The following DAB1 variants were observed in gnomAD, a reference collection of about 807,000 sequenced individuals.
DAB1 encodes the protein disabled homolog 1.
Under a neutral mutation model 64.6 loss-of-function variants are expected in DAB1, and 15 were observed. The observed-to-expected ratio is 0.23, with a 90% CI of 0.16 to 0.36. The LOEUF (loss-of-function observed/expected upper bound fraction) is 0.36. Among genes scored for constraint, DAB1 ranks in the 10% least tolerant of loss-of-function variants. The pLI, the probability that DAB1 is intolerant of heterozygous loss-of-function variation, is 1.00. For synonymous variants in DAB1, 235 were observed against 251.9 expected (o/e 0.93, Z 0.64); for missense variants, 596 against 706.7 (o/e 0.84, Z 1.78).
intron 3 of DAB1, among the ~76,000 whole-genome samples, chr1:58,442,739 G>T (rs1246751600): frequency 3.3e-5 from 5 of 152,102 alleles, no homozygotes; most frequent in Admixed American, 6.5e-5. Context: ...GGGAATATGG[G>T]CCTGGCATTG....
chr1:57,558,356 C>A (rs957013125), intron 7 of DAB1, among the ~76,000 whole-genome samples: 2 of 152,150 alleles, frequency 1.3e-5, no homozygotes, highest in Non-Finnish European at 2.9e-5. Context: ...TCAGGAGCCA[C>A]CCACAACATC....
chr1:57,444,741 A>G (rs898115290), intron 7 of DAB1, among the ~76,000 whole-genome samples: 13 of 152,202 alleles, frequency 8.5e-5, no homozygotes, highest in African/African-American at 3.1e-4. Context: ...AGCCACCAGA[A>G]GCCAGAAGAG....
chr1:58,466,575 A>G (rs1338090747), intron 3 of DAB1, among the ~76,000 whole-genome samples: 1 of 152,106 alleles, frequency 6.6e-6, no homozygotes, highest in African/African-American at 2.4e-5. Flanking sequence ...AGCAGCTGTC[A>G]CGGGAAGCCC....
chr1:57,673,385 C>T (rs1646529836), intron 6 of DAB1, among the ~76,000 whole-genome samples: 1 of 152,024 alleles, frequency 6.6e-6, no homozygotes, highest in South Asian at 2.1e-4. Context: ...AAGTAATCAC[C>T]ATCACCATTG....
rs539644631 is a variant in DAB1, at chr1:57,233,576, T to C, written c.67+57388A>G. On this transcript the variant is annotated intron_variant, in intron 2 of 14. Transcript: ENST00000371236. ...GGGTTCGAGACCGGCCTGACCAACA[T>C]GGTGAAACCCCGTCTCTACTAAAAA... is the stretch of plus-strand genomic sequence containing the variant. Among the ~76,000 whole-genome samples the C allele has an allele frequency of 4.6e-5, 7 of 151,798 alleles. No homozygotes were observed. The South Asian group carries it at 1.5e-3, about 32-fold the overall frequency.
At chr1:57,788,573 T>C (rs927613) in intron 6 of DAB1, among the ~76,000 whole-genome samples, 116,282 of 151,974 alleles carry the variant, frequency 0.77, 44,587 homozygotes, top group South Asian at 0.82. Flanking sequence ...ACTTTTGTGG[T>C]GACAAAAGTT....
At chr1:57,895,013 A>C (rs1413926702) in intron 5 of DAB1, among the ~76,000 whole-genome samples, 1 of 152,078 alleles carries the variant, frequency 6.6e-6, no homozygotes, top group Non-Finnish European at 1.5e-5. Flanking sequence ...TGCAGTGCTC[A>C]CACCTGTATG....
chr1:57,327,091 CT>C (rs1173289843), intron 1 of DAB1, among the ~76,000 whole-genome samples: 1 of 152,022 alleles, frequency 6.6e-6, no homozygotes, highest in African/African-American at 2.4e-5. Flanking sequence ...GGCGTGTGAC[CT>C]CACACTTGGC....
chr1:57,264,814 C>T (rs1670464609), intron 2 of DAB1, among the ~76,000 whole-genome samples: 1 of 152,280 alleles, frequency 6.6e-6, no homozygotes, highest in Admixed American at 6.5e-5. Context: ...TCTTAAGATG[C>T]TTTCTGATCA....
intron 2 of DAB1, among the ~76,000 whole-genome samples, chr1:57,219,211 T>C (rs1205832707): frequency 6.6e-6 from 1 of 151,978 alleles, no homozygotes; most frequent in African/African-American, 2.4e-5. Context: ...TCAAGAATAG[T>C]TTTTAAAATA....
At chr1:57,841,468 A>G (rs763958996) in intron 1 of DAB1, among the ~76,000 whole-genome samples, 4 of 152,186 alleles carry the variant, frequency 2.6e-5, no homozygotes, top group Non-Finnish European at 5.9e-5. Flanking sequence ...GCATTACCCT[A>G]GTAGAAGTTC....
intron 4 of DAB1, among the ~76,000 whole-genome samples, chr1:57,084,005 T>A (rs1198646588): frequency 6.6e-6 from 1 of 152,096 alleles, no homozygotes; most frequent in Non-Finnish European, 1.5e-5. Context: ...TAAATGGGAG[T>A]TGCTCTCCAG....
chr1:58,479,064 T>C (rs1181305272), intron 3 of DAB1, among the ~76,000 whole-genome samples: 1 of 152,230 alleles, frequency 6.6e-6, no homozygotes, highest in African/African-American at 2.4e-5. Flanking sequence ...AGATATTATC[T>C]CTGCTCTTTC....
At chr1:57,138,187 C>T (rs1046786235) in intron 3 of DAB1, among the ~76,000 whole-genome samples, 4 of 152,196 alleles carry the variant, frequency 2.6e-5, no homozygotes, top group African/African-American at 9.6e-5. Flanking sequence ...ATCACCCATT[C>T]ATTCTCAAGC....
At chr1:57,767,804 T>G (rs1168307347) in intron 6 of DAB1, among the ~76,000 whole-genome samples, 1 of 152,140 alleles carries the variant, frequency 6.6e-6, no homozygotes, top group Non-Finnish European at 1.5e-5. Context: ...ATCAATACCC[T>G]ATGCTTTAGG....
intron 7 of DAB1, among the ~76,000 whole-genome samples, chr1:57,493,427 T>A (rs899064009): frequency 6.6e-6 from 1 of 152,214 alleles, no homozygotes; most frequent in Non-Finnish European, 1.5e-5. Flanking sequence ...TTTATCATAA[T>A]GCCTTCAAAG....
chr1:57,542,361 T>C (rs1644812061), intron 7 of DAB1, among the ~76,000 whole-genome samples: 2 of 151,124 alleles, frequency 1.3e-5, no homozygotes, highest in Admixed American at 1.3e-4. Context: ...GGCCTGGCAG[T>C]GGGCCACACC....
At chr1:57,865,758 T>A (rs1302918530) in intron 1 of DAB1, among the ~76,000 whole-genome samples, 1 of 152,200 alleles carries the variant, frequency 6.6e-6, no homozygotes, top group Admixed American at 6.5e-5. Flanking sequence ...ACTGCGTGGA[T>A]TCAAAGCATA....
intron 2 of DAB1, among the ~76,000 whole-genome samples, chr1:57,268,058 T>A (rs953248913): frequency 1.3e-5 from 2 of 152,198 alleles, no homozygotes. Flanking sequence ...GATTTCTCCA[T>A]GTTCAACAAG....
Sources: allele counts gnomAD v4.1 joint callset (sites outside exome capture counted in the v4.1 genomes callset), GRCh38; gene constraint gnomAD v4.1.1; transcripts MANE v1.5; gene names NCBI Gene and HGNC (gene_info 2026-07-23, HGNC 2026-07-21).